Variants in NRXN3 observed in about 807,000 individuals in gnomAD.
NRXN3 encodes neurexin III.
A neutral mutation model predicts 137.6 loss-of-function variants in NRXN3; 32 were observed. The observed-to-expected ratio is 0.23, with a 90% confidence interval of 0.18 to 0.31. NRXN3 has a LOEUF of 0.31. NRXN3 is among the 10% of genes least tolerant of loss of function. The pLI is 1.00. For synonymous variants in NRXN3, 798 were observed against 784.5 expected, an observed-to-expected ratio of 1.02 and a Z score of -0.29; for missense variants, 1,574 against 2,062.5, an observed-to-expected ratio of 0.76 and a Z score of 4.59.
chr14:78,574,370 C>A lies in NRXN3; in HGVS notation c.758-70750C>A, dbSNP rs534424210. Among the ~76,000 whole-genome samples the A allele has an allele frequency of 4.6e-5, 7 of 152,306 alleles. No homozygotes were observed. The South Asian group carries it at 1.5e-3, about 32-fold the overall frequency. On this transcript the variant is annotated intron_variant, in intron 4 of 20. Transcript: ENST00000335750. ...TGGTAGATTCTCTAATAGGTTACAC[C>A]ATACACTTGGAAAAGCTGCAGGGAC...
intron 14 of NRXN3, among the ~76,000 whole-genome samples, chr14:78,975,658 A>G (rs538429986): frequency 2.0e-5 from 3 of 152,270 alleles, no homozygotes; most frequent in Admixed American, 6.5e-5. Context: ...ATTCCAAGAC[A>G]GAGGGAAGAG....
chr14:78,192,904 C>T (rs545297859), intron 1 of NRXN3, among the ~76,000 whole-genome samples: 57 of 152,284 alleles, frequency 3.7e-4, no homozygotes, highest in African/African-American at 9.6e-4. Context: ...ACCTACCCAA[C>T]GCCTTCTACC....
intron 15 of NRXN3, among the ~76,000 whole-genome samples, chr14:79,385,376 A>G (rs2094583951): frequency 6.6e-6 from 1 of 151,844 alleles, no homozygotes; most frequent in Admixed American, 6.6e-5. Flanking sequence ...ATGTCCCTAC[A>G]AAGGACATGA....
chr14:79,651,586 C>T (rs957287329), intron 16 of NRXN3, among the ~76,000 whole-genome samples: 1 of 151,932 alleles, frequency 6.6e-6, no homozygotes, highest in Non-Finnish European at 1.5e-5. Flanking sequence ...TGAATCAACA[C>T]AAACTGATGT....
chr14:79,229,679 C>T (rs1043766845), intron 15 of NRXN3, among the ~76,000 whole-genome samples: 1 of 152,068 alleles, frequency 6.6e-6, no homozygotes, highest in Admixed American at 6.6e-5. Flanking sequence ...TGAATTACCC[C>T]AGGAAGCCAG....
intron 15 of NRXN3, among the ~76,000 whole-genome samples, chr14:79,210,456 G>C (rs1215564664): frequency 1.3e-5 from 2 of 152,146 alleles, no homozygotes; most frequent in East Asian, 3.9e-4. Context: ...TATGTTCTGG[G>C]TAATTCCTCT....
At chr14:78,419,961 G>GCGCGCGCACACACACACACA (rs1555518606) in intron 4 of NRXN3, among the ~76,000 whole-genome samples, 6 of 49,150 alleles carry the variant, frequency 1.2e-4, no homozygotes, top group African/African-American at 2.7e-4. Context: ...GCGCGCGCAC[G>GCGCGCGCACACACACACACA]CACACACACA....
intron 16 of NRXN3, among the ~76,000 whole-genome samples, chr14:79,523,897 G>A (rs2097094321): frequency 1.3e-5 from 2 of 152,160 alleles, no homozygotes; most frequent in African/African-American, 4.8e-5. Flanking sequence ...CTTCCACTAC[G>A]GTGGTGTCAT....
chr14:79,842,648 C>T (rs1449578902), intron 20 of NRXN3, among the ~76,000 whole-genome samples: 1 of 152,136 alleles, frequency 6.6e-6, no homozygotes, highest in Non-Finnish European at 1.5e-5. Flanking sequence ...AGGAATACAA[C>T]ATGATTCTAT....
At chr14:79,055,210 G>T (rs1374331116) in intron 15 of NRXN3, among the ~76,000 whole-genome samples, 1 of 152,126 alleles carries the variant, frequency 6.6e-6, no homozygotes, top group African/African-American at 2.4e-5. Context: ...TAAGAAGACG[G>T]CTTTTTAAAG....
chr14:79,843,170 G>A (rs2099359714), intron 20 of NRXN3, among the ~76,000 whole-genome samples: 1 of 152,082 alleles, frequency 6.6e-6, no homozygotes, highest in South Asian at 2.1e-4. Flanking sequence ...TATAGGTCGG[G>A]TTTGGTTCCA....
intron 4 of NRXN3, among the ~76,000 whole-genome samples, chr14:78,488,084 T>G (rs1359579371): frequency 6.6e-6 from 1 of 152,186 alleles, no homozygotes; most frequent in Admixed American, 6.5e-5. Context: ...GGCTTACAGA[T>G]GGCCATCTTT....
chr14:79,781,051 T>C (rs1452855140), intron 19 of NRXN3, among the ~76,000 whole-genome samples: 1 of 131,794 alleles, frequency 7.6e-6, no homozygotes, highest in Non-Finnish European at 1.7e-5. Context: ...AATTTTTTTT[T>C]TTAAATAATT....
At position 79,661,112 on chromosome 14, in the gene NRXN3, AATCAGGTTC is replaced by A. The variant is rs560876445; in HGVS notation, c.3445-2663_3445-2655del. 2.0e-4 allele frequency among the ~76,000 whole-genome samples: 30 copies of A among 152,290 alleles called. No homozygotes were observed. In the East Asian group the frequency reaches 4.3e-3, roughly 22 times the overall value. On this transcript the variant is annotated intron_variant, in intron 16 of 20. Transcript: ENST00000335750. Reference sequence around the variant, plus strand: ...CATGAAAAGTACAAAAAGAACCCATAATCAGGTTCATTTATATATGCATGCATATTTTAA... The same window carrying A: ...CATGAAAAGTACAAAAAGAACCCATAATTTATATATGCATGCATATTTTAA...
intron 19 of NRXN3, among the ~76,000 whole-genome samples, chr14:79,732,526 G>C (rs2098927823): frequency 6.6e-6 from 1 of 152,056 alleles, no homozygotes; most frequent in East Asian, 1.9e-4. Flanking sequence ...TTGCAACCTA[G>C]TTTATGAAAG....
intron 10 of NRXN3, among the ~76,000 whole-genome samples, chr14:78,812,799 A>G (rs959046696): frequency 6.6e-6 from 1 of 152,262 alleles, no homozygotes; most frequent in African/African-American, 2.4e-5. Flanking sequence ...TCAAGATTAG[A>G]TTTTGGAAAT....
chr14:79,482,512 A>G (rs887775765), intron 16 of NRXN3, among the ~76,000 whole-genome samples: 1 of 152,168 alleles, frequency 6.6e-6, no homozygotes, highest in Non-Finnish European at 1.5e-5. Flanking sequence ...ACCAAAAGAA[A>G]ATAACAAAAA....
intron 20 of NRXN3, among the ~76,000 whole-genome samples, chr14:79,831,401 G>A (rs774894761): frequency 5.9e-5 from 9 of 152,162 alleles, no homozygotes; most frequent in African/African-American, 1.7e-4. Flanking sequence ...ATGGGAACAC[G>A]CTTCCTCTGG....
rs200365427 is a variant in NRXN3, at chr14:79,481,123, C to T, written c.3444+13721C>T. On this transcript the variant is annotated intron_variant, in intron 16 of 20. Coordinates refer to ENST00000335750, the MANE Select transcript of NRXN3 (RefSeq NM_001330195.2). The stretch of plus-strand genomic sequence containing the variant: ...AAAGGATAGACAAACTCCCTGTCCT[C>T]ATGGTACTTACATTCTAGTGGGGGA... 4.9e-5 allele frequency among the ~76,000 whole-genome samples: 7 copies of T among 144,062 alleles called. No individual in the cohort carries two copies. In the East Asian group the frequency reaches 1.4e-3, roughly 28 times the overall value. The allele number at this position is 144,062 out of a possible 152,430, so 94.5% of individuals were successfully genotyped here. A position where few individuals can be genotyped will look rare whatever the true frequency, so the allele number is the denominator to read the frequency against.
Sources: allele counts gnomAD v4.1 joint callset (sites outside exome capture counted in the v4.1 genomes callset), GRCh38; gene constraint gnomAD v4.1.1; transcripts MANE v1.5; gene names NCBI Gene and HGNC (gene_info 2026-07-23, HGNC 2026-07-21).